Variants in MRTFB observed in about 807,000 individuals in gnomAD.
MRTFB encodes the protein myocardin-related transcription factor B.
A neutral mutation model predicts 104.2 loss-of-function variants in MRTFB; 29 were observed. That is an observed-to-expected ratio of 0.28 (90% CI 0.21 to 0.38). The LOEUF is 0.38. Among genes scored for constraint, MRTFB ranks in the 10% least tolerant of loss-of-function variants. The probability of loss-of-function intolerance (pLI) is 1.00; values close to 1 mark genes in which losing one functional copy is unlikely to be tolerated. For missense variants in MRTFB, 1,270 were observed against 1,341.6 expected (o/e 0.95, Z 0.83); for synonymous variants, 535 against 519.5 (o/e 1.03, Z -0.41).
intron 3 of MRTFB, among the ~76,000 whole-genome samples, chr16:14,173,113 GTTTT>G (rs969212978): frequency 6.6e-6 from 1 of 152,050 alleles, no homozygotes; most frequent in African/African-American, 2.4e-5. Flanking sequence ...TCCTCTTGGA[GTTTT>G]TTTGTTTTTT....
At chr16:14,234,837 C>T (rs972634321) in intron 9 of MRTFB, among the ~76,000 whole-genome samples, 2 of 152,080 alleles carry the variant, frequency 1.3e-5, no homozygotes, top group African/African-American at 4.8e-5. Flanking sequence ...ACGCAGAAAG[C>T]CCTGGTTCTG....
In MRTFB at chr16:14,261,037, C is replaced by T. The variant is rs779903988; in HGVS notation, c.2893C>T (p.Pro965Ser). 2.5e-6 allele frequency: 4 copies of T among 1,614,056 alleles called. No individual in the cohort carries two copies. The highest frequency in any genetic ancestry group is 2.7e-5 in the African/African-American group (2 of 74,920). Residue 965 changes from proline to serine, a missense_variant, in exon 17 of 17, where the codon CCT (proline) becomes TCT (serine). By Grantham distance (74) the Pro-to-Ser change is moderately conservative. Coordinates refer to ENST00000571589, the MANE Select transcript of MRTFB (RefSeq NM_001308142.2). ...RPPPQVQMAP[P>S]VSLEPMGSLS... ...ACCACCCCAAGTCCAAATGGCACCA[C>T]CTGTATCTTTAGAACCTATGGGCAG...
At chr16:14,138,298 G>GT (rs2037825611) in intron 2 of MRTFB, among the ~76,000 whole-genome samples, 1 of 152,142 alleles carries the variant, frequency 6.6e-6, no homozygotes, top group East Asian at 1.9e-4. Flanking sequence ...CTAGTCTTTA[G>GT]TTTTTTTATC....
chr16:14,044,580 C>T, the MRTFB span, among the ~76,000 whole-genome samples: 1 of 152,210 alleles, frequency 6.6e-6, no homozygotes, highest in African/African-American at 2.4e-5. Context: ...GTAGCACACG[C>T]TCCCTTCACA....
chr16:14,055,221 C>G, the MRTFB span, among the ~76,000 whole-genome samples: 69 of 152,266 alleles, frequency 4.5e-4, no homozygotes, highest in African/African-American at 1.6e-3. Flanking sequence ...CATGGTGGCA[C>G]ATGCCTGTAA....
At chr16:14,194,378 G>A (rs1363434822) in intron 3 of MRTFB, among the ~76,000 whole-genome samples, 1 of 152,180 alleles carries the variant, frequency 6.6e-6, no homozygotes, top group Non-Finnish European at 1.5e-5. Context: ...GAGCCCTCAG[G>A]TGTCTCTTCT....
intron 10 of MRTFB, among the ~76,000 whole-genome samples, chr16:14,243,709 G>A (rs1462516115): frequency 1.3e-5 from 2 of 152,070 alleles, no homozygotes; most frequent in African/African-American, 2.4e-5. Context: ...AGAAAAGTAC[G>A]TAAATTATAA....
chr16:14,252,601 T>C, intron 15 of MRTFB, 99 bp downstream of exon 15: 3 of 1,362,928 alleles, frequency 2.2e-6, no homozygotes, highest in Non-Finnish European at 2.9e-6. Context: ...GAAACTGACT[T>C]GCCTCAATAG....
chr16:14,228,905 T>C (rs2042133819), intron 8 of MRTFB, among the ~76,000 whole-genome samples: 1 of 152,084 alleles, frequency 6.6e-6, no homozygotes, highest in Non-Finnish European at 1.5e-5. Flanking sequence ...GATGATTGCC[T>C]GGGGGTGAGG....
At chr16:14,237,435 G>A (rs762718981) in intron 9 of MRTFB, among the ~76,000 whole-genome samples, 11 of 152,210 alleles carry the variant, frequency 7.2e-5, no homozygotes, top group African/African-American at 2.7e-4. Context: ...AACTGGCCTC[G>A]GTTTAACGTT....
the MRTFB span, among the ~76,000 whole-genome samples, chr16:14,034,938 T>C: frequency 6.6e-6 from 1 of 152,242 alleles, no homozygotes; most frequent in East Asian, 1.9e-4. Flanking sequence ...TCCGGGCCCC[T>C]ATCTCCTCTA....
At chr16:14,041,537 C>T in the MRTFB span, among the ~76,000 whole-genome samples, 3 of 152,282 alleles carry the variant, frequency 2.0e-5, no homozygotes, top group African/African-American at 7.2e-5. Context: ...TATGTATCTA[C>T]CACATTTTCT....
intron 3 of MRTFB, among the ~76,000 whole-genome samples, chr16:14,157,269 T>C (rs534682952): frequency 6.6e-6 from 1 of 152,344 alleles, no homozygotes; most frequent in Admixed American, 6.5e-5. Flanking sequence ...TCTCATTCTT[T>C]ATTGAACACC....
At chr16:14,103,911 A>G (rs944511604) in intron 2 of MRTFB, among the ~76,000 whole-genome samples, 7 of 152,226 alleles carry the variant, frequency 4.6e-5, no homozygotes, top group African/African-American at 1.7e-4. Context: ...CAGTCAGATG[A>G]ATTTGTAACT....
At chr16:14,061,007 G>C in the MRTFB span, among the ~76,000 whole-genome samples, 1 of 152,134 alleles carries the variant, frequency 6.6e-6, no homozygotes, top group African/African-American at 2.4e-5. Flanking sequence ...TTAGCCAGGT[G>C]TGGTGGTGGG....
chr16:14,000,646 A>C, the MRTFB span, among the ~76,000 whole-genome samples: 2 of 152,232 alleles, frequency 1.3e-5, no homozygotes, highest in Non-Finnish European at 2.9e-5. Context: ...GCTTGTGGAC[A>C]GCCATCCAGG....
intron 2 of MRTFB, among the ~76,000 whole-genome samples, chr16:14,130,297 C>T (rs1047457718): frequency 6.6e-6 from 1 of 152,114 alleles, no homozygotes; most frequent in Non-Finnish European, 1.5e-5. Flanking sequence ...ATAAACACTT[C>T]TCTTATTTGT....
intron 8 of MRTFB, among the ~76,000 whole-genome samples, chr16:14,223,862 A>T (rs1211975974): frequency 6.6e-6 from 1 of 152,236 alleles, no homozygotes; most frequent in Non-Finnish European, 1.5e-5. Context: ...AAATACAGTC[A>T]TGCTTTGCTT....
chr16:14,212,384 A>G lies in MRTFB; in HGVS notation c.251A>G (p.Gln84Arg). Reference sequence around the variant, plus strand: ...AAGAGCCCAGCGGCATTCCATGAACAGATAAAAAGCTTGGAACGAGCCAGA... The same window carrying G: ...AAGAGCCCAGCGGCATTCCATGAACGGATAAAAAGCTTGGAACGAGCCAGA... ...PLKSPAAFHE[Q>R]IKSLERARTE... The change falls in exon 5 of 17, where the codon CAG becomes CGG. Residue 84 changes from glutamine (Q) to arginine (R), a missense_variant. Physicochemically the swap from Gln to Arg is conservative, Grantham distance 43. This residue lies in a region of MRTFB where 64 missense variants were observed against 152.9 expected (regional missense o/e 0.42). Transcript: ENST00000571589. 9 of 1,613,990 alleles carry G rather than the reference A, an allele frequency of 5.6e-6. No homozygotes were observed. Among genetic ancestry groups the G allele is most frequent in the Non-Finnish European group, 7.6e-6 (9 of 1,179,888 alleles).
Sources: gnomAD v4.1 joint callset for allele counts (sites outside exome capture counted in the v4.1 genomes callset) on GRCh38, gnomAD v4.1.1 for gene constraint, gnomAD v4.1.1 regional missense constraint, MANE v1.5 for transcripts, NCBI Gene and HGNC (gene_info 2026-07-23, HGNC 2026-07-21) for gene names.